The following LTO1 variants were observed in gnomAD, a reference collection of about 807,000 sequenced individuals.
The protein encoded by LTO1 is protein LTO1 homolog.
In LTO1, 18 loss-of-function variants were observed where a neutral mutation model predicts 19.8. The ratio of observed to expected loss-of-function variants is 0.91; its 90% CI spans 0.63 to 1.35. The LOEUF is 1.35. LTO1 is among the 40% of genes most tolerant of loss of function. The probability of loss-of-function intolerance (pLI) is 0.00; values close to 1 mark genes in which losing one functional copy is unlikely to be tolerated. For synonymous variants in LTO1, 59 were observed against 59.6 expected (o/e 0.99, Z 0.05); for missense variants, 175 against 167.9 (o/e 1.04, Z -0.23).
chr11:69,668,069 C>T lies in LTO1; in HGVS notation c.228-57G>A, dbSNP rs1040797181. 1.4e-5 allele frequency: 12 copies of T among 848,040 alleles called. No individual in the cohort carries two copies. The South Asian group carries it at 1.7e-4, about 12-fold the overall frequency. The allele number at this position is 848,040 out of a possible 1,614,324, so 52.5% of individuals were successfully genotyped here. A position where few individuals can be genotyped will look rare whatever the true frequency, so the allele number is the denominator to read the frequency against. Reference sequence around the variant, plus strand: ...ATGTGCACACAACAGGCTCAACTTACACAACAGCTATGCTGCTGGCTTCCT... The same window carrying T: ...ATGTGCACACAACAGGCTCAACTTATACAACAGCTATGCTGCTGGCTTCCT... On this transcript the variant is annotated intron_variant, in intron 3 of 4. Transcript: ENST00000279147.
At chr11:69,671,572 A>G (rs1416315987) in intron 3 of LTO1, 177 bp downstream of exon 3, 1 of 577,214 alleles carries the variant, frequency 1.7e-6, no homozygotes. Context: ...TGTGCCTGGC[A>G]CTTTCTATTT....
At chr11:69,674,133 G>C (rs950058040) in intron 1 of LTO1, among the ~76,000 whole-genome samples, 2 of 152,166 alleles carry the variant, frequency 1.3e-5, no homozygotes, top group African/African-American at 4.8e-5. Context: ...GATTACAGGC[G>C]TCAGCCACCG....
intron 3 of LTO1, 124 bp downstream of exon 3, chr11:69,671,624 CT>C (rs540867597): frequency 2.9e-6 from 2 of 689,470 alleles, no homozygotes; most frequent in South Asian, 3.2e-5. Context: ...AAGCTTGACA[CT>C]GATAATTTTC....
At chr11:69,670,477 G>A (rs1352468696) in intron 3 of LTO1, among the ~76,000 whole-genome samples, 2 of 152,210 alleles carry the variant, frequency 1.3e-5, no homozygotes, top group Non-Finnish European at 2.9e-5. Flanking sequence ...CGCTGCCTGA[G>A]AACCAGGAGG....
chr11:69,673,647 G>A (rs1856144525), intron 1 of LTO1, among the ~76,000 whole-genome samples: 1 of 150,210 alleles, frequency 6.7e-6, no homozygotes, highest in Non-Finnish European at 1.5e-5. Context: ...CAGAGATTCA[G>A]TACGTCTGGA....
intron 1 of LTO1, 196 bp downstream of exon 1, chr11:69,674,994 C>G (rs772267653): frequency 1.4e-6 from 1 of 694,890 alleles, no homozygotes; most frequent in South Asian, 1.5e-5. Context: ...GCACGTGCCC[C>G]GCCGGAGCGG....
rs576890991 is a variant in LTO1, at chr11:69,666,452, A to C, written c.*1067T>G. On this transcript the variant is annotated 3_prime_UTR_variant, in exon 5 of 5. Transcript: ENST00000279147. ...AGGGTGTGTGAACACGTGCCATCAC[A>C]TATGACCACCACTCGCCTCGTGGGG... The C allele has an allele frequency of 6.6e-6, 1 of 152,338 alleles. No homozygotes were observed. Among genetic ancestry groups the C allele is most frequent in the Non-Finnish European group, 1.5e-5 (1 of 68,130 alleles). 9.4% of individuals were successfully genotyped at this position (152,338 alleles called of 1,614,324 possible).
chr11:69,668,312 A>C, intron 3 of LTO1: 1 of 297,196 alleles, frequency 3.4e-6, no homozygotes, highest in Non-Finnish European at 6.4e-6. Context: ...GAGGTCACAC[A>C]TGCAGAAACA....
At chr11:69,670,906 T>C (rs1856099527) in intron 3 of LTO1, among the ~76,000 whole-genome samples, 1 of 152,138 alleles carries the variant, frequency 6.6e-6, no homozygotes, top group Admixed American at 6.5e-5. Flanking sequence ...TTTTTGTTTG[T>C]TTGTTTGTTT....
At chr11:69,670,438 C>T (rs1415115165) in intron 3 of LTO1, among the ~76,000 whole-genome samples, 1 of 152,184 alleles carries the variant, frequency 6.6e-6, no homozygotes, top group African/African-American at 2.4e-5. Flanking sequence ...CTGCCAACAG[C>T]GATTCCCCTG....
At position 69,673,299 on chromosome 11, in the gene LTO1, C is replaced by T. The variant is rs1418291152; in HGVS notation, c.73G>A (p.Glu25Lys). ...DERFHGEGYREGYEEGSSLGV... is the reference protein window; with the variant it reads ...DERFHGEGYRKGYEEGSSLGV... ...AAACTACTGCCTTCTTCATAGCCTT[C>T]CCGATACCCTTCCCCATGAAACCTG... Residue 25 changes from glutamate (E) to lysine (K), a missense_variant, in exon 2 of 5, where the codon GAA (glutamate) becomes AAA (lysine). Glu to Lys is a moderately conservative substitution (Grantham distance 56, BLOSUM62 1). Transcript: ENST00000279147. The T allele has an allele frequency of 1.2e-6, 2 of 1,611,058 alleles. No homozygotes were observed. The highest frequency in any genetic ancestry group is 1.7e-6 in the Non-Finnish European group (2 of 1,177,292).
chr11:69,675,322 G>C lies in LTO1; in HGVS notation c.-83C>G. 8.6e-7 allele frequency: 1 copy of C among 1,166,796 alleles called. No individual in the cohort carries two copies. Among genetic ancestry groups the C allele is most frequent in the Non-Finnish European group, 1.2e-6 (1 of 850,802 alleles). 72.3% of individuals were successfully genotyped at this position (1,166,796 alleles called of 1,614,324 possible). On this transcript the variant is annotated 5_prime_UTR_variant, in exon 1 of 5. Coordinates refer to ENST00000279147, the MANE Select transcript of LTO1 (RefSeq NM_153451.3). ...AGACCCGGCAGCTTCAGGCACAAAT[G>C]CTCCGCTTGGGAGGAGACGAGACCC...
At chr11:69,669,156 G>A (rs1590923180) in intron 3 of LTO1, among the ~76,000 whole-genome samples, 1 of 152,256 alleles carries the variant, frequency 6.6e-6, no homozygotes, top group Non-Finnish European at 1.5e-5. Context: ...ACCTGCAGGG[G>A]TTTAAAAATA....
intron 3 of LTO1, chr11:69,671,504 G>A: frequency 2.2e-6 from 1 of 450,400 alleles, no homozygotes; most frequent in Non-Finnish European, 4.0e-6. Flanking sequence ...CAGGTAAAAG[G>A]CAGGAGCATA....
chr11:69,668,643 C>A (rs1856066306), intron 3 of LTO1, among the ~76,000 whole-genome samples: 1 of 151,206 alleles, frequency 6.6e-6, no homozygotes, highest in South Asian at 2.1e-4. Flanking sequence ...GGCATCCCAG[C>A]CTCCAGATGG....
Position 69,667,589 on chromosome 11 carries a change from T to C in LTO1, c.346-2A>G. ...CTGAACATTGAGTAACGAACAAAAC[T>C]GAAAACACAAAAGAGATGGTATTTT... On this transcript the variant is annotated splice_acceptor_variant, in intron 4 of 4. Coordinates refer to ENST00000279147, the MANE Select transcript of LTO1 (RefSeq NM_153451.3). LOFTEE classifies it high-confidence loss of function. 6.3e-7 allele frequency: 1 copy of C among 1,595,412 alleles called. No individual in the cohort carries two copies. The highest frequency in any genetic ancestry group is 8.6e-7 in the Non-Finnish European group (1 of 1,163,096).
At chr11:69,667,727 G>A in intron 4 of LTO1, 140 bp from the exon 5 acceptor site, 2 of 724,910 alleles carry the variant, frequency 2.8e-6, no homozygotes, top group South Asian at 1.7e-5. Flanking sequence ...TCTCTGGACT[G>A]TCTTCAGTTT....
chr11:69,670,146 C>G (rs923509460), intron 3 of LTO1, among the ~76,000 whole-genome samples: 17 of 152,310 alleles, frequency 1.1e-4, no homozygotes, highest in African/African-American at 4.1e-4. Context: ...GGGGGTCTGG[C>G]AGGGCTTCCA....
intron 2 of LTO1, 126 bp from the exon 3 acceptor site, chr11:69,671,945 G>A (rs1411986700): frequency 2.9e-6 from 2 of 687,198 alleles, no homozygotes; most frequent in East Asian, 2.7e-5. Flanking sequence ...TGTTCTGGAA[G>A]CACCTGTTGA....
Sources: allele counts gnomAD v4.1 joint callset (sites outside exome capture counted in the v4.1 genomes callset), GRCh38; gene constraint gnomAD v4.1.1; transcripts MANE v1.5; gene names NCBI Gene and HGNC (gene_info 2026-07-23, HGNC 2026-07-21).